MCF2L2: variants seen among roughly 807,000 people sequenced by gnomAD.
MCF2L2 encodes the protein MCF.2 cell line derived transforming sequence-like 2.
MCF2L2 carries 102 observed loss-of-function variants against 150.2 expected under a neutral mutation model. The observed-to-expected ratio is 0.68, with a 90% confidence interval of 0.58 to 0.80. MCF2L2 has a LOEUF of 0.80. MCF2L2 is among the 30% of genes least tolerant of loss of function. MCF2L2 has a pLI of 0.00. For missense variants in MCF2L2, 1,256 were observed against 1,372.8 expected (o/e 0.91, Z 1.34); for synonymous variants, 465 against 491.3 (o/e 0.95, Z 0.71).
intron 3 of MCF2L2, among the ~76,000 whole-genome samples, chr3:183,361,274 C>T (rs1285216815): frequency 2.0e-5 from 3 of 152,242 alleles, no homozygotes; most frequent in Admixed American, 6.5e-5. Context: ...GTCCTTGTTG[C>T]TGTTGTTTAA....
At chr3:183,301,096 C>G (rs1012421165) in intron 10 of MCF2L2, among the ~76,000 whole-genome samples, 3 of 152,004 alleles carry the variant, frequency 2.0e-5, no homozygotes, top group African/African-American at 7.2e-5. Flanking sequence ...TACACTGACC[C>G]TGTCTGCTCA....
chr3:183,210,536 C>G (rs1201768014), intron 22 of MCF2L2, among the ~76,000 whole-genome samples: 1 of 152,116 alleles, frequency 6.6e-6, no homozygotes, highest in Non-Finnish European at 1.5e-5. Flanking sequence ...TCAACCACGC[C>G]CTATGATAGA....
intron 3 of MCF2L2, chr3:183,374,325 T>C (rs554187645): frequency 6.6e-6 from 1 of 152,358 alleles, no homozygotes; most frequent in South Asian, 2.1e-4. Context: ...TGCTCTGTAA[T>C]TCCCCAAATA....
chr3:183,195,574 C>G (rs1722055812), intron 25 of MCF2L2, among the ~76,000 whole-genome samples: 1 of 152,078 alleles, frequency 6.6e-6, no homozygotes, highest in African/African-American at 2.4e-5. Flanking sequence ...TGCTCAAATG[C>G]TCATTTTTTC....
chr3:183,299,998 T>C lies in MCF2L2; in HGVS notation c.1305+7A>G, dbSNP rs1728754319. On this transcript the variant is annotated splice_region_variant and intron_variant, in intron 11 of 29. Transcript: ENST00000328913. Reference sequence around the variant, plus strand: ...AGACATCATGTTCTTGGCTGTGTTTTGCTCACCTTGTCCAGCTGTCTATGA... The same window carrying C: ...AGACATCATGTTCTTGGCTGTGTTTCGCTCACCTTGTCCAGCTGTCTATGA... 1 of 1,609,640 alleles carries C rather than the reference T, an allele frequency of 6.2e-7. No individual in the cohort carries two copies. Among genetic ancestry groups the C allele is most frequent in the South Asian group, 1.1e-5 (1 of 90,244 alleles).
At chr3:183,203,596 G>A (rs569951759) in intron 25 of MCF2L2, among the ~76,000 whole-genome samples, 100 of 152,288 alleles carry the variant, frequency 6.6e-4, no homozygotes, top group Middle Eastern at 6.8e-3. Context: ...GAGACTGTGA[G>A]ATACCTTCAA....
rs73066019 is a variant in MCF2L2, at chr3:183,296,807, G to A, written c.1497+169C>T. On this transcript the variant is annotated intron_variant, in intron 12 of 29. Transcript: ENST00000328913. ...GTCAGACGAAGACTCAGTATGCCAG[G>A]ACGTTCAGGCCGAGAGTCTAAGAGG... 2,798 of 613,158 alleles carry A rather than the reference G, an allele frequency of 4.6e-3. 67 individuals carry two copies. The African/African-American group carries it at 0.047, about 10-fold the overall frequency. The allele number at this position is 613,158 out of a possible 1,614,324, so 38.0% of individuals were successfully genotyped here. A position where few individuals can be genotyped will look rare whatever the true frequency, so the allele number is the denominator to read the frequency against.
intron 1 of MCF2L2, among the ~76,000 whole-genome samples, chr3:183,404,486 C>T (rs1183769470): frequency 6.6e-6 from 1 of 152,194 alleles, no homozygotes; most frequent in Non-Finnish European, 1.5e-5. Flanking sequence ...GTAAGTTTCC[C>T]AGAAGGCAAT....
chr3:183,376,997 TTTAAC>T (rs1713224251), intron 3 of MCF2L2: 1 of 152,232 alleles, frequency 6.6e-6, no homozygotes, highest in Admixed American at 6.5e-5. Flanking sequence ...TTCAAGTGCT[TTTAAC>T]TTAAATAGTC....
intron 27 of MCF2L2, among the ~76,000 whole-genome samples, chr3:183,187,658 G>A (rs1456250602): frequency 2.0e-5 from 3 of 152,174 alleles, no homozygotes; most frequent in South Asian, 2.1e-4. Context: ...TAGTAGAGAC[G>A]GGGTTTCACC....
intron 15 of MCF2L2, among the ~76,000 whole-genome samples, chr3:183,232,308 A>G (rs1723595041): frequency 6.6e-6 from 1 of 152,186 alleles, no homozygotes; most frequent in Non-Finnish European, 1.5e-5. Context: ...AGAGCTCCAC[A>G]TGAAAACACA....
chr3:183,366,613 T>C (rs1173732595), intron 3 of MCF2L2, among the ~76,000 whole-genome samples: 2 of 151,982 alleles, frequency 1.3e-5, no homozygotes, highest in Non-Finnish European at 2.9e-5. Flanking sequence ...ACCACTGCAC[T>C]CCAGCCTGGG....
At chr3:183,257,318 C>T (rs1725135192) in intron 15 of MCF2L2, among the ~76,000 whole-genome samples, 1 of 152,142 alleles carries the variant, frequency 6.6e-6, no homozygotes, top group South Asian at 2.1e-4. Flanking sequence ...CTCTCTTTCA[C>T]CACCATCAGG....
At chr3:183,186,541 A>G (rs1469769675) in intron 27 of MCF2L2, among the ~76,000 whole-genome samples, 1 of 151,950 alleles carries the variant, frequency 6.6e-6, no homozygotes, top group African/African-American at 2.4e-5. Flanking sequence ...GCCTGGCCAC[A>G]ATGGTGAAAC....
At chr3:183,295,938 A>G (rs1471593075) in intron 12 of MCF2L2, among the ~76,000 whole-genome samples, 2 of 152,172 alleles carry the variant, frequency 1.3e-5, no homozygotes, top group East Asian at 3.9e-4. Context: ...AGCCTGGGCG[A>G]CAGAGCGACT....
intron 3 of MCF2L2, chr3:183,377,067 C>T (rs1713228963): frequency 6.6e-6 from 1 of 152,166 alleles, no homozygotes; most frequent in Non-Finnish European, 1.5e-5. Context: ...GATACATGTA[C>T]AGAACATGCA....
intron 15 of MCF2L2, among the ~76,000 whole-genome samples, chr3:183,257,958 CTTTTTTT>C (rs35323502): frequency 1.1e-4 from 7 of 64,742 alleles, no homozygotes; most frequent in South Asian, 7.9e-4. Flanking sequence ...CCACTTCACC[CTTTTTTT>C]TTTTTTTTTT....
chr3:183,202,152 G>T (rs547764955), intron 25 of MCF2L2, among the ~76,000 whole-genome samples: 18 of 152,278 alleles, frequency 1.2e-4, no homozygotes, highest in South Asian at 8.3e-4. Flanking sequence ...ATCATTATTT[G>T]ATCTGTCCAC....
At chr3:183,185,372 TG>T (rs1721660150) in intron 27 of MCF2L2, among the ~76,000 whole-genome samples, 1 of 152,236 alleles carries the variant, frequency 6.6e-6, no homozygotes, top group Non-Finnish European at 1.5e-5. Flanking sequence ...GGTAACTAAC[TG>T]CTAACAATTC....
Sources: gnomAD v4.1 joint callset for allele counts (sites outside exome capture counted in the v4.1 genomes callset) on GRCh38, gnomAD v4.1.1 for gene constraint, MANE v1.5 for transcripts, NCBI Gene and HGNC (gene_info 2026-07-23, HGNC 2026-07-21) for gene names.